The following DOCK10 variants were observed in gnomAD, a reference collection of about 807,000 sequenced individuals.
The protein encoded by DOCK10 is dedicator of cytokinesis protein 10.
In DOCK10, 145 loss-of-function variants were observed where a neutral mutation model predicts 280.1. That is an observed-to-expected ratio of 0.52 (90% confidence interval 0.45 to 0.59). DOCK10 has a LOEUF of 0.59. Ranked by LOEUF, DOCK10 falls within the 20% of genes least tolerant of loss-of-function variation. The pLI is 0.00. For synonymous variants in DOCK10, 915 were observed against 942.2 expected, an observed-to-expected ratio of 0.97 and a Z score of 0.53; for missense variants, 2,368 against 2,651.7, an observed-to-expected ratio of 0.89 and a Z score of 2.35.
At chr2:225,024,502 G>C (rs1277536071) in intron 1 of DOCK10, among the ~76,000 whole-genome samples, 1 of 152,076 alleles carries the variant, frequency 6.6e-6, no homozygotes, top group East Asian at 1.9e-4. Flanking sequence ...TGAAGGAAGG[G>C]TATATGATAT....
At chr2:224,833,284 C>A (rs1351398441) in intron 26 of DOCK10, among the ~76,000 whole-genome samples, 1 of 152,112 alleles carries the variant, frequency 6.6e-6, no homozygotes, top group Non-Finnish European at 1.5e-5. Flanking sequence ...AACTCCCAAG[C>A]CTCCAGTGGC....
intron 1 of DOCK10, among the ~76,000 whole-genome samples, chr2:224,985,845 T>G (rs953759946): frequency 2.8e-5 from 4 of 144,914 alleles, no homozygotes; most frequent in African/African-American, 1.2e-4. Context: ...CATGTTGATA[T>G]ATCCACCACT....
chr2:224,859,895 A>C (rs1697387625), intron 14 of DOCK10, among the ~76,000 whole-genome samples: 1 of 152,230 alleles, frequency 6.6e-6, no homozygotes, highest in African/African-American at 2.4e-5. Context: ...ATTGTGAAAG[A>C]GAAATTAAAA....
chr2:224,831,964 TTGGC>T (rs1695268402), intron 26 of DOCK10, among the ~76,000 whole-genome samples: 1 of 152,166 alleles, frequency 6.6e-6, no homozygotes, highest in Admixed American at 6.5e-5. Context: ...CTCTTAAACC[TTGGC>T]CTGTGAGGAC....
At position 224,787,255 on chromosome 2, in the gene DOCK10, TA is replaced by T. The variant is rs1412842003; in HGVS notation, c.5541+19del. 4 of 1,613,682 alleles carry T rather than the reference TA, an allele frequency of 2.5e-6. No individual in the cohort carries two copies. Among genetic ancestry groups the T allele is most frequent in the African/African-American group, 1.3e-5 (1 of 74,918 alleles). On this transcript the variant is annotated intron_variant, in intron 49 of 55. Transcript: ENST00000258390. Reference sequence around the variant, plus strand: ...AACATAGGATATTTTAATTAACTTCTAGGGGGTTGGAATACATACTTTGAAG... The same window carrying T: ...AACATAGGATATTTTAATTAACTTCTGGGGGTTGGAATACATACTTTGAAG...
intron 4 of DOCK10, among the ~76,000 whole-genome samples, chr2:224,888,810 ATG>A (rs1427534168): frequency 7.1e-6 from 1 of 140,096 alleles, no homozygotes; most frequent in Non-Finnish European, 1.5e-5. Context: ...GTGAATATAT[ATG>A]TGTGTATGTA....
intron 50 of DOCK10, among the ~76,000 whole-genome samples, chr2:224,785,712 C>T (rs966886950): frequency 2.6e-5 from 4 of 152,156 alleles, no homozygotes; most frequent in Admixed American, 6.5e-5. Context: ...GATCTCCTGA[C>T]CTCGTGATCC....
At chr2:224,862,993 A>G (rs1226564749) in intron 13 of DOCK10, among the ~76,000 whole-genome samples, 1 of 152,212 alleles carries the variant, frequency 6.6e-6, no homozygotes, top group East Asian at 1.9e-4. Context: ...GTCTTGGAAT[A>G]TCAACTTTTT....
chr2:224,915,759 G>A (rs186866435), intron 3 of DOCK10, among the ~76,000 whole-genome samples: 43 of 152,304 alleles, frequency 2.8e-4, no homozygotes, highest in African/African-American at 9.1e-4. Flanking sequence ...GAAAGGATAA[G>A]CATCATTTAT....
chr2:224,770,525 C>T lies in DOCK10; in HGVS notation c.6305+20G>A, dbSNP rs1307498683. 6.2e-7 allele frequency: 1 copy of T among 1,605,128 alleles called. No homozygotes were observed. The highest frequency in any genetic ancestry group is 8.5e-7 in the Non-Finnish European group (1 of 1,171,870). ...TCTCAGGAAGTTCAAGGAAGAACAT[C>T]CCAACAGCGAGAAGCTTACCTGAAG... is the stretch of plus-strand genomic sequence containing the variant. On this transcript the variant is annotated intron_variant, in intron 54 of 55. Coordinates refer to ENST00000258390, the MANE Select transcript of DOCK10 (RefSeq NM_014689.3). The surrounding 1 kb of genome is among the most constrained non-coding windows in gnomAD (Gnocchi z 4.5).
chr2:224,768,136 C>T (rs1690181754), intron 55 of DOCK10, among the ~76,000 whole-genome samples: 1 of 152,048 alleles, frequency 6.6e-6, no homozygotes, highest in Non-Finnish European at 1.5e-5. Flanking sequence ...AAGCTGGTCT[C>T]ACACTCCTGA....
chr2:225,021,718 G>A (rs892764477), intron 1 of DOCK10, among the ~76,000 whole-genome samples: 1 of 152,124 alleles, frequency 6.6e-6, no homozygotes, highest in African/African-American at 2.4e-5. Context: ...TTTTGTTGTT[G>A]TTGTTCTGTT....
intron 1 of DOCK10, among the ~76,000 whole-genome samples, chr2:225,023,390 T>C (rs947988356): frequency 6.6e-6 from 1 of 152,138 alleles, no homozygotes; most frequent in African/African-American, 2.4e-5. Flanking sequence ...GCAATATGAA[T>C]GCAAATCTCC....
At chr2:224,914,361 C>T (rs1484876507) in intron 3 of DOCK10, among the ~76,000 whole-genome samples, 2 of 152,022 alleles carry the variant, frequency 1.3e-5, no homozygotes, top group African/African-American at 4.8e-5. Flanking sequence ...AAACAAGAGC[C>T]AAATTTCACT....
chr2:224,935,088 A>G (rs998455679), intron 1 of DOCK10, among the ~76,000 whole-genome samples: 2 of 152,168 alleles, frequency 1.3e-5, no homozygotes, highest in African/African-American at 4.8e-5. Flanking sequence ...TGTCACAAAA[A>G]CAAATGCTTG....
intron 1 of DOCK10, among the ~76,000 whole-genome samples, chr2:225,016,635 A>ATATCTATGTGCACATAGATACATG (rs1689609502): frequency 4.5e-5 from 1 of 22,024 alleles, no homozygotes; most frequent in Non-Finnish European, 8.6e-5. Context: ...ATAGATACAT[A>ATATCTATGTGCACATAGATACATG]TATCTATGTG....
intron 2 of DOCK10, among the ~76,000 whole-genome samples, chr2:224,930,824 C>T (rs993985402): frequency 7.2e-5 from 11 of 152,178 alleles, no homozygotes; most frequent in African/African-American, 2.7e-4. Flanking sequence ...AATAGCTGCC[C>T]ATTGAGATCT....
rs1468925529 is a variant in DOCK10 at position 224,807,770 on chromosome 2, C to T, written c.3600G>A (p.Gln1200=). The part of the protein sequence containing the change: ...DRYREPRKQA[Q]IASLYMPLYG... ...ACAGGGGCATGTATAAACTTGCTAT[C>T]TGGGCCTGCTTTCTCTAGGAGAAAA... Residue 1200 remains glutamine, a synonymous_variant, in exon 33 of 56, where the codon CAG becomes CAA. Coordinates refer to ENST00000258390, the MANE Select transcript of DOCK10 (RefSeq NM_014689.3). The T allele has an allele frequency of 1.9e-6, 3 of 1,569,346 alleles. No homozygotes were observed. In the East Asian group the frequency reaches 7.0e-5, roughly 36 times the overall value.
chr2:224,826,989 G>A (rs1376240761), intron 27 of DOCK10, among the ~76,000 whole-genome samples: 3 of 151,086 alleles, frequency 2.0e-5, no homozygotes, highest in Non-Finnish European at 2.9e-5. Flanking sequence ...TGGGCCATGC[G>A]TGGTGGCTCA....
Sources: allele counts gnomAD v4.1 joint callset (sites outside exome capture counted in the v4.1 genomes callset), GRCh38; gene constraint gnomAD v4.1.1; non-coding constraint Gnocchi (gnomAD v3.1); transcripts MANE v1.5; gene names NCBI Gene and HGNC (gene_info 2026-07-23, HGNC 2026-07-21).